The following ANKRD17 variants were observed in gnomAD, a reference collection of about 807,000 sequenced individuals.
ANKRD17 encodes ankyrin repeat domain-containing protein 17.
In ANKRD17, 19 loss-of-function variants were observed where a neutral mutation model predicts 229.7. The observed-to-expected ratio is 0.08, with a 90% CI of 0.06 to 0.12. The LOEUF (loss-of-function observed/expected upper bound fraction) is 0.12, where lower values mean the gene tolerates loss of function less well. Ranked by LOEUF, ANKRD17 falls within the 10% of genes least tolerant of loss-of-function variation. ANKRD17 has a pLI of 1.00. For missense variants in ANKRD17, 2,176 were observed against 3,176.8 expected, an observed-to-expected ratio of 0.68 and a Z score of 7.57; for synonymous variants, 1,112 against 1,146.1, an observed-to-expected ratio of 0.97 and a Z score of 0.60.
chr4:73,208,624 A>G (rs1739829858), intron 1 of ANKRD17, among the ~76,000 whole-genome samples: 1 of 152,224 alleles, frequency 6.6e-6, no homozygotes, highest in African/African-American at 2.4e-5. Context: ...AGCCTTAGGC[A>G]TTAGAGATCA....
intron 1 of ANKRD17, among the ~76,000 whole-genome samples, chr4:73,223,561 C>A (rs1382127082): frequency 6.6e-6 from 1 of 152,038 alleles, no homozygotes; most frequent in East Asian, 1.9e-4. Context: ...AATAATTATC[C>A]TAATGTAGAT....
At chr4:73,188,328 T>C (rs1262431264) in intron 1 of ANKRD17, among the ~76,000 whole-genome samples, 1 of 152,196 alleles carries the variant, frequency 6.6e-6, no homozygotes, top group Non-Finnish European at 1.5e-5. Context: ...GGCTCACACC[T>C]GTAATCCCAG....
At chr4:73,154,860 T>C (rs1731444944) in intron 5 of ANKRD17, among the ~76,000 whole-genome samples, 1 of 151,808 alleles carries the variant, frequency 6.6e-6, no homozygotes, top group African/African-American at 2.4e-5. Context: ...GCTAAAACGG[T>C]GAAACCCCGT....
chr4:73,258,158 G>A, intron 1 of ANKRD17, 118 bp downstream of exon 1: 1 of 1,519,390 alleles, frequency 6.6e-7, no homozygotes, highest in East Asian at 2.3e-5. Context: ...GCAGTCGAAA[G>A]CCTGGCCCCT....
In ANKRD17 at chr4:73,091,976, T is replaced by C. The variant is rs1225418623; in HGVS notation, c.5652A>G (p.Ala1884=). ...CATGTGCAAACTGTGGAGGAGGATA[T>C]GCTAATGGAAGAGAAACTGGAAAAC... ...RPGFPVSLPL[A]YPPPQFAHAL... The change falls in exon 29 of 34, where the codon GCA becomes GCG. Residue 1884 remains alanine, a synonymous_variant. Coordinates refer to ENST00000358602, the MANE Select transcript of ANKRD17 (RefSeq NM_032217.5). The C allele has an allele frequency of 5.0e-6, 8 of 1,614,154 alleles. No homozygotes were observed. In the African/African-American group the frequency reaches 6.7e-5, roughly 13 times the overall value.
At chr4:73,234,019 T>A (rs1370053059) in intron 1 of ANKRD17, among the ~76,000 whole-genome samples, 1 of 152,188 alleles carries the variant, frequency 6.6e-6, no homozygotes. Flanking sequence ...CAGGAAATTT[T>A]CTTCAATTAT....
At chr4:73,089,410 T>C (rs566061506) in intron 29 of ANKRD17, among the ~76,000 whole-genome samples, 6 of 152,268 alleles carry the variant, frequency 3.9e-5, no homozygotes, top group Non-Finnish European at 7.4e-5. Flanking sequence ...ATTTGGCCCA[T>C]AGACCATAGT....
At chr4:73,224,315 G>T (rs951637931) in intron 1 of ANKRD17, among the ~76,000 whole-genome samples, 19 of 152,124 alleles carry the variant, frequency 1.2e-4, no homozygotes, top group African/African-American at 4.6e-4. Flanking sequence ...GACATTGCTG[G>T]TACTATCTCC....
intron 15 of ANKRD17, among the ~76,000 whole-genome samples, chr4:73,138,669 T>A (rs1560578121): frequency 6.6e-6 from 1 of 152,112 alleles, no homozygotes; most frequent in Non-Finnish European, 1.5e-5. Context: ...ATTTTTCTGT[T>A]TTCCTTCCTT....
intron 25 of ANKRD17, among the ~76,000 whole-genome samples, chr4:73,099,544 C>T (rs1723709348): frequency 6.6e-6 from 1 of 152,210 alleles, no homozygotes; most frequent in South Asian, 2.1e-4. Context: ...CCTCTGGCTT[C>T]CCATAGTGTG....
chr4:73,113,717 C>A (rs111402638), intron 24 of ANKRD17, 75 bp downstream of exon 24: 11 of 1,127,814 alleles, frequency 9.8e-6, no homozygotes, highest in African/African-American at 1.6e-5. Flanking sequence ...AACAAAAAGA[C>A]GGATTACAAA....
intron 33 of ANKRD17, 150 bp downstream of exon 33, chr4:73,076,790 C>G: frequency 2.1e-6 from 2 of 933,282 alleles, no homozygotes; most frequent in Non-Finnish European, 3.1e-6. Context: ...CCACTGCCCA[C>G]AGCCCTCTGC....
chr4:73,154,754 A>C (rs1238153824), intron 5 of ANKRD17, among the ~76,000 whole-genome samples: 1 of 151,684 alleles, frequency 6.6e-6, no homozygotes, highest in African/African-American at 2.4e-5. Context: ...AAAACATTTA[A>C]TAACGGGCCG....
intron 1 of ANKRD17, among the ~76,000 whole-genome samples, chr4:73,213,114 T>G (rs762045723): frequency 1.3e-5 from 2 of 151,484 alleles, no homozygotes; most frequent in Non-Finnish European, 2.9e-5. Context: ...CAAAGCCAAA[T>G]TGAGGTTTAG....
At position 73,144,734 on chromosome 4, in the gene ANKRD17, T is replaced by C. The variant is rs773092043; in HGVS notation, c.1957+11A>G. ...CTTTCAAAAAAAGACAACTGTTTTA[T>C]ACAAACCTACCTTTACTAATTAAGA... On this transcript the variant is annotated intron_variant, in intron 11 of 33. Transcript: ENST00000358602. The C allele has an allele frequency of 1.4e-5, 22 of 1,533,630 alleles. No individual in the cohort carries two copies. The highest frequency in any genetic ancestry group is 2.8e-5 in the African/African-American group (2 of 70,782).
chr4:73,182,864 C>T (rs939927948), intron 1 of ANKRD17, among the ~76,000 whole-genome samples: 9 of 152,180 alleles, frequency 5.9e-5, no homozygotes, highest in Non-Finnish European at 1.3e-4. Context: ...GGATGTTTAA[C>T]AGCAACCCTG....
At chr4:73,144,949 T>C (rs1045245726) in intron 10 of ANKRD17, 117 bp from the exon 11 acceptor site, 7 of 603,252 alleles carry the variant, frequency 1.2e-5, no homozygotes, top group African/African-American at 1.1e-4. Flanking sequence ...TATTTAAATA[T>C]AATGCTTTGA....
chr4:73,087,172 A>C (rs561123774), intron 29 of ANKRD17, among the ~76,000 whole-genome samples: 15 of 151,088 alleles, frequency 9.9e-5, no homozygotes, highest in Non-Finnish European at 2.1e-4. Flanking sequence ...CCCAGCCTCC[A>C]TCTACTGGGC....
At chr4:73,195,574 T>C (rs1278883281) in intron 1 of ANKRD17, among the ~76,000 whole-genome samples, 3 of 152,078 alleles carry the variant, frequency 2.0e-5, no homozygotes, top group Non-Finnish European at 2.9e-5. Context: ...AGTGGTACAA[T>C]CTCGGCTCAC....
Sources: gnomAD v4.1 joint callset for allele counts (sites outside exome capture counted in the v4.1 genomes callset) on GRCh38, gnomAD v4.1.1 for gene constraint, MANE v1.5 for transcripts, NCBI Gene and HGNC (gene_info 2026-07-23, HGNC 2026-07-21) for gene names.